The following IKBIP variants were observed in gnomAD, a reference collection of about 807,000 sequenced individuals.
IKBIP encodes the protein IKBKB interacting protein, also known as inhibitor of nuclear factor kappa-B kinase-interacting protein.
In IKBIP, 28 loss-of-function variants were observed where a neutral mutation model predicts 31.0. That is an observed-to-expected ratio of 0.90 (90% CI 0.67 to 1.24). The LOEUF is 1.24. Ranked by LOEUF, IKBIP falls within the 50% of genes most tolerant of loss-of-function variation. The pLI, the probability that IKBIP is intolerant of heterozygous loss-of-function variation, is 0.00. For missense variants in IKBIP, 453 were observed against 441.9 expected (o/e 1.03, Z -0.23); for synonymous variants, 164 against 160.3 (o/e 1.02, Z -0.17).
chr12:98,632,378 G>T (rs190960411), intron 2 of IKBIP, among the ~76,000 whole-genome samples: 1 of 147,126 alleles, frequency 6.8e-6, no homozygotes, highest in African/African-American at 2.5e-5. Context: ...GGGAGGCTGA[G>T]TTGGGAGGAG....
Position 98,634,230 on chromosome 12 carries a change from G to T in IKBIP, c.297+66C>A, listed in dbSNP as rs1484011076. The stretch of plus-strand genomic sequence containing the variant: ...CAGGAAGAAAGAAGTTCTGAGCTGG[G>T]ATAGAGAAATGATAGTGGGGTAGTA... On this transcript the variant is annotated intron_variant, in intron 2 of 2. Coordinates refer to ENST00000299157, the MANE Select transcript of IKBIP (RefSeq NM_153687.4). The T allele has an allele frequency of 6.4e-6, 5 of 777,044 alleles. No homozygotes were observed. The Admixed American group carries it at 1.0e-4, about 16-fold the overall frequency. The allele number at this position is 777,044 out of a possible 1,614,324, so 48.1% of individuals were successfully genotyped here.
chr12:98,615,148 A>T (rs2097605565), intron 2 of IKBIP, among the ~76,000 whole-genome samples: 1 of 152,210 alleles, frequency 6.6e-6, no homozygotes, highest in African/African-American at 2.4e-5. Flanking sequence ...ATTGTGAATG[A>T]TTAAATCAAG....
intron 2 of IKBIP, among the ~76,000 whole-genome samples, chr12:98,615,396 C>T (rs2097605714): frequency 6.6e-6 from 1 of 152,106 alleles, no homozygotes; most frequent in African/African-American, 2.4e-5. Flanking sequence ...CCACGCCTGG[C>T]TGATTGTTGT....
intron 1 of IKBIP, among the ~76,000 whole-genome samples, chr12:98,640,560 T>C (rs749692725): frequency 5.9e-5 from 9 of 152,240 alleles, no homozygotes; most frequent in Non-Finnish European, 1.3e-4. Flanking sequence ...TAAATTTCTA[T>C]GTAATTAAAT....
Position 98,625,937 on chromosome 12 carries a change from TCAC to T in IKBIP, c.1124_1126del (p.Gly375del), listed in dbSNP as rs747342944. 7.7e-5 allele frequency: 107 copies of T among 1,391,084 alleles called. 1 individual carries two copies. The South Asian group carries it at 8.6e-4, about 11-fold the overall frequency. 86.2% of individuals were successfully genotyped at this position (1,391,084 alleles called of 1,614,324 possible). On this transcript the variant is annotated inframe_deletion, in exon 3 of 3. Transcript: ENST00000299157. ...AGAATAAATGTCATGAATTTAAAAA[TCAC>T]CACCAATTCCTTTATTTTCTATATT... is the stretch of plus-strand genomic sequence containing the variant.
chr12:98,633,714 C>T (rs1188850001), intron 2 of IKBIP, among the ~76,000 whole-genome samples: 1 of 151,810 alleles, frequency 6.6e-6, no homozygotes, highest in East Asian at 1.9e-4. Flanking sequence ...TGGGGTTTCA[C>T]CATGTTGGCC....
At chr12:98,631,970 C>G (rs1454025430) in intron 2 of IKBIP, among the ~76,000 whole-genome samples, 1 of 151,360 alleles carries the variant, frequency 6.6e-6, no homozygotes, top group Non-Finnish European at 1.5e-5. Flanking sequence ...ATTCTCCTGC[C>G]TCAGCCTCCC....
intron 2 of IKBIP, 64 bp from the exon 3 acceptor site, chr12:98,626,830 C>T (rs1592993231): frequency 7.6e-7 from 1 of 1,308,544 alleles, no homozygotes. Flanking sequence ...GAGAAACACA[C>T]TTTAACAATC....
At position 98,634,294 on chromosome 12, in the gene IKBIP, A is replaced by G; in HGVS notation, c.297+2T>C. The G allele has an allele frequency of 7.2e-7, 1 of 1,385,404 alleles. No individual in the cohort carries two copies. The highest frequency in any genetic ancestry group is 1.4e-5 in the African/African-American group (1 of 70,300). The allele number at this position is 1,385,404 out of a possible 1,614,324, so 85.8% of individuals were successfully genotyped here. ...GTCCCAGATAAGCCAATTAATGATT[A>G]CCTTTTCTGAAATTAAACTGATTTT... is the stretch of plus-strand genomic sequence containing the variant. On this transcript the variant is annotated splice_donor_variant, in intron 2 of 2. Coordinates refer to ENST00000299157, the MANE Select transcript of IKBIP (RefSeq NM_153687.4). LOFTEE classifies it high-confidence loss of function.
downstream of IKBIP, chr12:98,624,212 C>T (rs1053661159): frequency 1.8e-5 from 16 of 909,086 alleles, no homozygotes; most frequent in Admixed American, 8.1e-4. Context: ...TCACATTTGC[C>T]TTGACAGGAT....
At chr12:98,643,554 G>A (rs2097633135) in intron 1 of IKBIP, among the ~76,000 whole-genome samples, 1 of 151,130 alleles carries the variant, frequency 6.6e-6, no homozygotes. Flanking sequence ...CTTTTTTTAC[G>A]AGTTGGTTTT....
At chr12:98,641,542 A>G (rs1010041364) in intron 1 of IKBIP, among the ~76,000 whole-genome samples, 1 of 152,262 alleles carries the variant, frequency 6.6e-6, no homozygotes, top group Non-Finnish European at 1.5e-5. Context: ...ATTTTGCAAT[A>G]AACAGCAACC....
At chr12:98,641,311 C>T (rs1404552586) in intron 1 of IKBIP, among the ~76,000 whole-genome samples, 2 of 152,060 alleles carry the variant, frequency 1.3e-5, no homozygotes, top group East Asian at 3.9e-4. Flanking sequence ...ATTTTAACCA[C>T]CAGGGCCGTG....
chr12:98,617,749 G>A (rs1230078892), intron 2 of IKBIP, among the ~76,000 whole-genome samples: 1 of 152,134 alleles, frequency 6.6e-6, no homozygotes, highest in Non-Finnish European at 1.5e-5. Flanking sequence ...AATGTAAAAT[G>A]GCTAGAAATA....
In IKBIP at chr12:98,644,568, G is replaced by T. The variant is rs1331399494; in HGVS notation, c.134C>A (p.Thr45Lys). 10 of 1,608,738 alleles carry T rather than the reference G, an allele frequency of 6.2e-6. No homozygotes were observed. Among genetic ancestry groups the T allele is most frequent in the East Asian group, 4.5e-5 (2 of 44,680 alleles). The change falls in exon 1 of 3, where the codon ACG becomes AAG. Residue 45 changes from threonine to lysine, a missense_variant. Physicochemically the swap from Thr to Lys is moderately conservative, Grantham distance 78. Coordinates refer to ENST00000299157, the MANE Select transcript of IKBIP (RefSeq NM_153687.4). ...CCCCAGCGACAGCAGGCTCAGGCAC[G>T]TTCGGGGGTCTGCCCAGCCCCCGCC... ...SGGGGWADPR[T>K]CLSLLSLGTC...
Position 98,626,445 on chromosome 12 carries a change from C to T in IKBIP, c.619G>A (p.Asp207Asn), listed in dbSNP as rs747093465. Residue 207 changes from aspartate (D) to asparagine (N), a missense_variant, in exon 3 of 3, where the codon GAT becomes AAT. Physicochemically the swap from Asp to Asn is conservative, Grantham distance 23. Coordinates refer to ENST00000299157, the MANE Select transcript of IKBIP (RefSeq NM_153687.4). ...GTTCTAATATTTCTTAGTGTGCTATCTTCCAAATCTTTTAGCCGTTCAGTG... is the reference window on the plus strand; with the variant it reads ...GTTCTAATATTTCTTAGTGTGCTATTTTCCAAATCTTTTAGCCGTTCAGTG... ...LLTERLKDLE[D>N]STLRNIRTVK... is the part of the protein sequence containing the mutation. 8.7e-6 allele frequency: 14 copies of T among 1,613,158 alleles called. No homozygotes were observed. The highest frequency in any genetic ancestry group is 1.2e-5 in the Non-Finnish European group (14 of 1,180,038).
chr12:98,642,932 AT>A (rs768004402), intron 1 of IKBIP, among the ~76,000 whole-genome samples: 6 of 150,594 alleles, frequency 4.0e-5, no homozygotes, highest in Non-Finnish European at 8.8e-5. Flanking sequence ...AGGGCGTTTA[AT>A]CACTTTATTG....
chr12:98,617,474 G>A (rs556997117), intron 2 of IKBIP, among the ~76,000 whole-genome samples: 49 of 152,320 alleles, frequency 3.2e-4, no homozygotes, highest in Middle Eastern at 3.4e-3. Flanking sequence ...ACACATGTGC[G>A]TGCCTATATA....
chr12:98,620,969 C>T (rs1440766760), downstream of IKBIP, among the ~76,000 whole-genome samples: 1 of 151,886 alleles, frequency 6.6e-6, no homozygotes, highest in Non-Finnish European at 1.5e-5. Context: ...CCCTAGTGGC[C>T]GTGCGTGGTG....
Sources: allele counts gnomAD v4.1 joint callset (sites outside exome capture counted in the v4.1 genomes callset), GRCh38; gene constraint gnomAD v4.1.1; transcripts MANE v1.5; gene names NCBI Gene and HGNC (gene_info 2026-07-23, HGNC 2026-07-21).